Variants in GNG4 observed in about 807,000 individuals in gnomAD.
GNG4 encodes the protein G protein subunit gamma 4.
A neutral mutation model predicts 5.8 loss-of-function variants in GNG4; 4 were observed. The ratio of observed to expected loss-of-function variants is 0.69; its 90% CI spans 0.34 to 1.57. The LOEUF (loss-of-function observed/expected upper bound fraction) is 1.57, where lower values mean the gene tolerates loss of function less well. Ranked by LOEUF, GNG4 falls within the 40% of genes most tolerant of loss-of-function variation. The pLI is 0.06. For synonymous variants in GNG4, 29 were observed against 32.9 expected (o/e 0.88, Z 0.41); for missense variants, 96 against 95.1 (o/e 1.01, Z -0.04).
At chr1:235,565,578 C>CCCAAAGT (rs1687173536) in intron 3 of GNG4, among the ~76,000 whole-genome samples, 1 of 152,186 alleles carries the variant, frequency 6.6e-6, no homozygotes, top group Non-Finnish European at 1.5e-5. Flanking sequence ...CCCAAAGGTC[C>CCCAAAGT]TGGGAATAAA....
intron 3 of GNG4, 47 bp from the exon 4 acceptor site, chr1:235,552,284 G>C (rs1317781388): frequency 8.1e-6 from 13 of 1,597,284 alleles, no homozygotes; most frequent in Non-Finnish European, 1.1e-5. Flanking sequence ...CCCCTTTGCA[G>C]AGTGAGTCCA....
At position 235,579,096 on chromosome 1, in the gene GNG4, CAA is replaced by C. The variant is rs779380298; in HGVS notation, c.99+4642_99+4643del. On this transcript the variant is annotated intron_variant, in intron 3 of 3. Transcript: ENST00000391854. ...TGGGTGACAGAGCAAGACTCCATCT[CAA>C]AAAAAAAAAAAAAAAATTCAGTTAG... is the stretch of plus-strand genomic sequence containing the variant. Among the ~76,000 whole-genome samples, 56 of 71,404 alleles carry C rather than the reference CAA, an allele frequency of 7.8e-4. 1 individual carries two copies. The highest frequency in any genetic ancestry group is 4.8e-4 in the Admixed American group (3 of 6,238). 46.8% of individuals were successfully genotyped at this position (71,404 alleles called of 152,430 possible). A position where few individuals can be genotyped will look rare whatever the true frequency, so the allele number is the denominator to read the frequency against.
At chr1:235,617,247 T>C (rs1359482461) in intron 1 of GNG4, among the ~76,000 whole-genome samples, 1 of 152,166 alleles carries the variant, frequency 6.6e-6, no homozygotes, top group Non-Finnish European at 1.5e-5. Flanking sequence ...CTCTTATTTT[T>C]TCAAAGTCTG....
intron 1 of GNG4, among the ~76,000 whole-genome samples, chr1:235,603,792 G>A (rs988337029): frequency 3.3e-5 from 5 of 152,170 alleles, no homozygotes; most frequent in Admixed American, 1.3e-4. Context: ...AAGAGCACGC[G>A]GGGTCCGAAC....
intron 1 of GNG4, among the ~76,000 whole-genome samples, chr1:235,643,479 C>G (rs1257213872): frequency 6.6e-6 from 1 of 152,238 alleles, no homozygotes; most frequent in Non-Finnish European, 1.5e-5. Flanking sequence ...TCTGACTCCT[C>G]TGGAGTGCAT....
At chr1:235,595,002 G>A (rs1362475925) in intron 2 of GNG4, among the ~76,000 whole-genome samples, 1 of 152,212 alleles carries the variant, frequency 6.6e-6, no homozygotes, top group Non-Finnish European at 1.5e-5. Context: ...TGGGGAGGAA[G>A]TGAGTGGTGG....
At chr1:235,558,972 A>G (rs1356513700) in intron 3 of GNG4, among the ~76,000 whole-genome samples, 1 of 152,250 alleles carries the variant, frequency 6.6e-6, no homozygotes, top group African/African-American at 2.4e-5. Context: ...TAGTTGCACT[A>G]TAATTACAAG....
At chr1:235,635,421 A>T (rs1174856987) in intron 1 of GNG4, among the ~76,000 whole-genome samples, 1 of 151,992 alleles carries the variant, frequency 6.6e-6, no homozygotes, top group East Asian at 1.9e-4. Context: ...ACTTAAGCCC[A>T]GGAAGTGGAG....
At chr1:235,585,581 C>A (rs1687741011) in intron 2 of GNG4, among the ~76,000 whole-genome samples, 1 of 152,160 alleles carries the variant, frequency 6.6e-6, no homozygotes, top group Admixed American at 6.6e-5. Flanking sequence ...GAAAGCACCA[C>A]ATATTAGTTC....
chr1:235,626,452 G>C (rs985782664), intron 1 of GNG4, among the ~76,000 whole-genome samples: 1 of 152,122 alleles, frequency 6.6e-6, no homozygotes, highest in East Asian at 1.9e-4. Flanking sequence ...GAGGGACCTA[G>C]AACACAGAAT....
chr1:235,570,303 C>T (rs1480895026), intron 3 of GNG4, among the ~76,000 whole-genome samples: 1 of 151,950 alleles, frequency 6.6e-6, no homozygotes, highest in African/African-American at 2.4e-5. Context: ...ATGTGTGCCA[C>T]TCTCCACTCT....
At chr1:235,608,874 G>A (rs1328998264) in intron 1 of GNG4, among the ~76,000 whole-genome samples, 1 of 152,020 alleles carries the variant, frequency 6.6e-6, no homozygotes, top group Non-Finnish European at 1.5e-5. Flanking sequence ...AGTAGAGACG[G>A]GGTTTTGCCA....
In GNG4 at chr1:235,552,213, G is replaced by C. The variant is rs899353674; in HGVS notation, c.124C>G (p.Leu42Val). Residue 42 changes from leucine to valine, a missense_variant, in exon 4 of 4, where the codon CTG (leucine) becomes GTG (valine). By Grantham distance (32) the Leu-to-Val change is conservative. Transcript: ENST00000391854. ...VKVSQAAADL[L>V]AYCEAHVRED... Reference sequence around the variant, plus strand: ...CGCACGTGAGCTTCACAGTAGGCCAGGAGGTCCGCAGCTGCCTGGGAGACC... The same window carrying C: ...CGCACGTGAGCTTCACAGTAGGCCACGAGGTCCGCAGCTGCCTGGGAGACC... 3 of 1,613,948 alleles carry C rather than the reference G, an allele frequency of 1.9e-6. No individual in the cohort carries two copies. Among genetic ancestry groups the C allele is most frequent in the Admixed American group, 1.7e-5 (1 of 60,002 alleles).
intron 2 of GNG4, among the ~76,000 whole-genome samples, chr1:235,584,905 T>G (rs1400439800): frequency 6.6e-6 from 1 of 152,248 alleles, no homozygotes; most frequent in Non-Finnish European, 1.5e-5. Flanking sequence ...ACCTCACAAC[T>G]GTTGGACTTT....
At chr1:235,635,906 G>C (rs190631743) in intron 1 of GNG4, among the ~76,000 whole-genome samples, 115 of 152,334 alleles carry the variant, frequency 7.5e-4, no homozygotes, top group African/African-American at 2.6e-3. Flanking sequence ...CCTGTATTCA[G>C]AGACCCCTTG....
intron 3 of GNG4, among the ~76,000 whole-genome samples, chr1:235,570,499 C>A (rs945725374): frequency 1.3e-5 from 2 of 148,384 alleles, no homozygotes; most frequent in African/African-American, 2.5e-5. Context: ...CGGGTTCAAG[C>A]GATTCTCCTG....
intron 3 of GNG4, among the ~76,000 whole-genome samples, chr1:235,582,525 GC>G (rs1687663623): frequency 6.6e-6 from 1 of 152,188 alleles, no homozygotes. Context: ...GCTCAGCAAT[GC>G]CTTTCACTGC....
chr1:235,646,778 A>C (rs991816396), intron 1 of GNG4, among the ~76,000 whole-genome samples: 1 of 152,214 alleles, frequency 6.6e-6, no homozygotes, highest in Admixed American at 6.5e-5. Flanking sequence ...CATTCAGTCT[A>C]ACAAGAACTC....
intron 3 of GNG4, among the ~76,000 whole-genome samples, chr1:235,567,157 C>T (rs1387491224): frequency 6.6e-6 from 1 of 151,954 alleles, no homozygotes; most frequent in Non-Finnish European, 1.5e-5. Flanking sequence ...TGGTCTCAAA[C>T]TCCTGAGCTC....
Sources: gnomAD v4.1 joint callset for allele counts (sites outside exome capture counted in the v4.1 genomes callset) on GRCh38, gnomAD v4.1.1 for gene constraint, MANE v1.5 for transcripts, NCBI Gene and HGNC (gene_info 2026-07-23, HGNC 2026-07-21) for gene names.